The following DENND6A variants were observed in gnomAD, a reference collection of about 807,000 sequenced individuals.
The protein encoded by DENND6A is DENN domain containing 6A, also known as protein DENND6A.
DENND6A carries 43 observed loss-of-function variants against 95.5 expected under a neutral mutation model. That is an observed-to-expected ratio of 0.45 (90% confidence interval 0.35 to 0.58). DENND6A has a LOEUF of 0.58. Among genes scored for constraint, DENND6A ranks in the 20% least tolerant of loss-of-function variants. The pLI is 0.00. For synonymous variants in DENND6A, 257 were observed against 260.4 expected, an observed-to-expected ratio of 0.99 and a Z score of 0.13; for missense variants, 574 against 736.0, an observed-to-expected ratio of 0.78 and a Z score of 2.55.
chr3:57,672,180 A>G, intron 3 of DENND6A, 76 bp downstream of exon 3: 1 of 1,353,248 alleles, frequency 7.4e-7, no homozygotes, highest in Non-Finnish European at 1.0e-6. Context: ...TATTTCAATC[A>G]ATTTTCATAC....
intron 12 of DENND6A, among the ~76,000 whole-genome samples, chr3:57,638,941 A>G (rs1262668632): frequency 6.6e-6 from 1 of 152,114 alleles, no homozygotes; most frequent in Non-Finnish European, 1.5e-5. Flanking sequence ...TACAGAAAAA[A>G]TAAAAAATTA....
chr3:57,684,600 A>G (rs2077195875), intron 1 of DENND6A, among the ~76,000 whole-genome samples: 1 of 151,992 alleles, frequency 6.6e-6, no homozygotes, highest in African/African-American at 2.4e-5. Flanking sequence ...TCTGGGCAAC[A>G]CAGCAAAACC....
chr3:57,689,852 C>A (rs750549980), intron 1 of DENND6A, among the ~76,000 whole-genome samples: 1 of 151,906 alleles, frequency 6.6e-6, no homozygotes, highest in Non-Finnish European at 1.5e-5. Context: ...CAGTTTGAGG[C>A]TACAAGTTTG....
intron 7 of DENND6A, among the ~76,000 whole-genome samples, chr3:57,660,174 T>C (rs1365360203): frequency 1.4e-5 from 2 of 148,082 alleles, no homozygotes; most frequent in Non-Finnish European, 3.0e-5. Flanking sequence ...GCAAAGCCCA[T>C]GTGTGAGCTT....
chr3:57,686,445 T>C (rs1003048664), intron 1 of DENND6A, among the ~76,000 whole-genome samples: 1 of 152,258 alleles, frequency 6.6e-6, no homozygotes, highest in African/African-American at 2.4e-5. Context: ...AGGCATACCT[T>C]GTTTTATTGT....
At position 57,672,264 on chromosome 3, in the gene DENND6A, GA is replaced by G. The variant is rs2071630668; in HGVS notation, c.310del (p.Ser104GlnfsTer40). ...GTATGAAAAACAGTTACCTGAATTT[GA>G]ATCTGGAAAAGACAAATAGCAAATA... Reference protein sequence around the residue: ...TNICYLSFPDSNSGCLGDTQF... With the variant: ...TNICYLSFPDXNSGCLGDTQF... On this transcript the variant is annotated frameshift_variant, in exon 3 of 20. Coordinates refer to ENST00000311128, the MANE Select transcript of DENND6A (RefSeq NM_152678.3). LOFTEE classifies it high-confidence loss of function. 4 of 1,609,330 alleles carry G rather than the reference GA, an allele frequency of 2.5e-6. No individual in the cohort carries two copies. The highest frequency in any genetic ancestry group is 3.4e-6 in the Non-Finnish European group (4 of 1,178,432).
intron 12 of DENND6A, among the ~76,000 whole-genome samples, chr3:57,635,143 T>A (rs1405749407): frequency 6.6e-6 from 1 of 152,224 alleles, no homozygotes; most frequent in Non-Finnish European, 1.5e-5. Context: ...TAAGTATAAA[T>A]GGAATAGAGA....
chr3:57,687,938 A>AG (rs1398334041), intron 1 of DENND6A, among the ~76,000 whole-genome samples: 1 of 151,308 alleles, frequency 6.6e-6, no homozygotes, highest in Non-Finnish European at 1.5e-5. Flanking sequence ...TCAAAAAAAA[A>AG]AAAAAGAAAA....
At chr3:57,672,165 T>C in intron 3 of DENND6A, 91 bp downstream of exon 3, 1 of 1,196,196 alleles carries the variant, frequency 8.4e-7, no homozygotes, top group Non-Finnish European at 1.2e-6. Context: ...TGCAATCTAA[T>C]ATGCTATTTC....
intron 9 of DENND6A, 32 bp downstream of exon 9, chr3:57,657,648 G>A (rs1283334398): frequency 1.4e-6 from 2 of 1,395,654 alleles, no homozygotes; most frequent in African/African-American, 1.5e-5. Context: ...AAAGCAAAAG[G>A]AAGTCAGTTA....
At chr3:57,643,551 G>A (rs1223238958) in intron 11 of DENND6A, among the ~76,000 whole-genome samples, 1 of 152,172 alleles carries the variant, frequency 6.6e-6, no homozygotes, top group African/African-American at 2.4e-5. Context: ...GAAAGGGCCA[G>A]GCACGGTGGC....
rs1369045530 is a variant in DENND6A, at chr3:57,627,504, C to A, written c.*710G>T. The stretch of plus-strand genomic sequence containing the variant: ...ACTCTTCCATCATTAATACTAGATG[C>A]CTTCTTGTCTTTGGAGAAACTGGTA... On this transcript the variant is annotated 3_prime_UTR_variant, in exon 20 of 20. Transcript: ENST00000311128. 5 of 151,956 alleles carry A rather than the reference C, an allele frequency of 3.3e-5. No homozygotes were observed. The highest frequency in any genetic ancestry group is 1.2e-4 in the African/African-American group (5 of 41,302). The allele number at this position is 151,956 out of a possible 1,614,324, so 9.4% of individuals were successfully genotyped here. A position where few individuals can be genotyped will look rare whatever the true frequency, so the allele number is the denominator to read the frequency against.
At chr3:57,676,243 G>A (rs2071706702) in intron 1 of DENND6A, among the ~76,000 whole-genome samples, 1 of 151,984 alleles carries the variant, frequency 6.6e-6, no homozygotes, top group East Asian at 1.9e-4. Flanking sequence ...AGCCAGGCAT[G>A]GTGGTGGGCA....
At chr3:57,688,802 T>A (rs2077234665) in intron 1 of DENND6A, among the ~76,000 whole-genome samples, 1 of 152,098 alleles carries the variant, frequency 6.6e-6, no homozygotes, top group South Asian at 2.1e-4. Flanking sequence ...ACAATCACTG[T>A]CCCTTTACTT....
chr3:57,645,999 C>T (rs550565333), intron 10 of DENND6A, among the ~76,000 whole-genome samples: 1 of 152,252 alleles, frequency 6.6e-6, no homozygotes, highest in Non-Finnish European at 1.5e-5. Context: ...TGTTCACTAG[C>T]TATGTGCCTT....
intron 7 of DENND6A, 99 bp from the exon 8 acceptor site, chr3:57,659,279 A>G: frequency 1.6e-6 from 2 of 1,259,330 alleles, no homozygotes; most frequent in Non-Finnish European, 2.3e-6. Flanking sequence ...AATGCCAAAA[A>G]AGCTACAAAA....
intron 9 of DENND6A, among the ~76,000 whole-genome samples, chr3:57,657,400 T>C (rs1463931393): frequency 2.0e-5 from 3 of 152,156 alleles, no homozygotes; most frequent in African/African-American, 7.2e-5. Flanking sequence ...TGCATCTCTT[T>C]TTTAAAAAAG....
intron 1 of DENND6A, among the ~76,000 whole-genome samples, chr3:57,685,765 T>C (rs1202765483): frequency 6.6e-6 from 1 of 152,180 alleles, no homozygotes; most frequent in Admixed American, 6.5e-5. Context: ...TTCTTTAATG[T>C]TTGCTCTTGG....
intron 1 of DENND6A, among the ~76,000 whole-genome samples, chr3:57,684,291 C>T (rs564747213): frequency 4.6e-5 from 7 of 151,832 alleles, no homozygotes; most frequent in South Asian, 2.1e-4. Context: ...GAAACCCCGT[C>T]GTCTCTACTA....
Sources: gnomAD v4.1 joint callset for allele counts (sites outside exome capture counted in the v4.1 genomes callset) on GRCh38, gnomAD v4.1.1 for gene constraint, MANE v1.5 for transcripts, NCBI Gene and HGNC (gene_info 2026-07-23, HGNC 2026-07-21) for gene names.